The following NKAIN2 variants were observed in gnomAD, a reference collection of about 807,000 sequenced individuals.
NKAIN2 encodes sodium/potassium transporting ATPase interacting 2.
NKAIN2 carries 14 observed loss-of-function variants against 32.6 expected under a neutral mutation model. That is an observed-to-expected ratio of 0.43 (90% CI 0.28 to 0.67). NKAIN2 has a LOEUF of 0.67. NKAIN2 is among the 30% of genes least tolerant of loss of function. The pLI, the probability that NKAIN2 is intolerant of heterozygous loss-of-function variation, is 0.17. For missense variants in NKAIN2, 198 were observed against 258.3 expected, an observed-to-expected ratio of 0.77 and a Z score of 1.60; for synonymous variants, 80 against 87.2, an observed-to-expected ratio of 0.92 and a Z score of 0.46.
chr6:123,923,168 A>G (rs571877344), intron 1 of NKAIN2, among the ~76,000 whole-genome samples: 1 of 152,286 alleles, frequency 6.6e-6, no homozygotes, highest in African/African-American at 2.4e-5. Context: ...AAACACCTAA[A>G]ACATGTAAAT....
intron 3 of NKAIN2, among the ~76,000 whole-genome samples, chr6:124,592,056 C>G (rs1442321068): frequency 2.0e-5 from 3 of 152,102 alleles, no homozygotes; most frequent in South Asian, 2.1e-4. Flanking sequence ...TCTATACCAA[C>G]TTTTTTTCTG....
intron 3 of NKAIN2, among the ~76,000 whole-genome samples, chr6:124,599,102 C>A (rs899369639): frequency 6.8e-6 from 1 of 148,112 alleles, no homozygotes; most frequent in Non-Finnish European, 1.5e-5. Context: ...GGAGTGAAAA[C>A]AGCCTCTTGC....
chr6:124,731,649 T>C (rs1169293703), intron 4 of NKAIN2, among the ~76,000 whole-genome samples: 1 of 151,346 alleles, frequency 6.6e-6, no homozygotes. Flanking sequence ...GCATGGCACA[T>C]GTATACATAT....
chr6:124,704,768 A>G (rs1376605745), intron 4 of NKAIN2, among the ~76,000 whole-genome samples: 2 of 151,962 alleles, frequency 1.3e-5, no homozygotes, highest in East Asian at 1.9e-4. Context: ...AAAATCTACT[A>G]TGATTTATAT....
At chr6:124,561,793 C>G (rs144945032) in intron 3 of NKAIN2, among the ~76,000 whole-genome samples, 64 of 152,302 alleles carry the variant, frequency 4.2e-4, no homozygotes, top group African/African-American at 1.4e-3. Context: ...TGAAAATATA[C>G]TGGGTGGCTC....
intron 3 of NKAIN2, among the ~76,000 whole-genome samples, chr6:124,447,030 C>G (rs1775921649): frequency 6.6e-6 from 1 of 152,054 alleles, no homozygotes; most frequent in African/African-American, 2.4e-5. Context: ...GGTTGAGATA[C>G]CCTGGATGGC....
chr6:124,466,838 T>C (rs569756218), intron 3 of NKAIN2, among the ~76,000 whole-genome samples: 2 of 152,196 alleles, frequency 1.3e-5, no homozygotes, highest in Non-Finnish European at 2.9e-5. Context: ...TGGACGTAGA[T>C]TTTAAAATAT....
intron 2 of NKAIN2, among the ~76,000 whole-genome samples, chr6:124,291,668 CACTT>C (rs913453323): frequency 6.6e-6 from 1 of 152,122 alleles, no homozygotes; most frequent in Non-Finnish European, 1.5e-5. Flanking sequence ...GACAGCCTAT[CACTT>C]ATTCTTCTGG....
At chr6:124,476,397 CTGTGTGTGTGTG>C (rs56691516) in intron 3 of NKAIN2, among the ~76,000 whole-genome samples, 11,300 of 137,908 alleles carry the variant, frequency 0.082, 452 homozygotes, top group African/African-American at 0.12. Context: ...ATGTATGTGA[CTGTGTGTGTGTG>C]TGTGTGTGTG....
intron 3 of NKAIN2, among the ~76,000 whole-genome samples, chr6:124,525,641 T>G (rs1779282196): frequency 1.3e-5 from 2 of 152,158 alleles, no homozygotes; most frequent in Non-Finnish European, 2.9e-5. Context: ...TAAATAGAGA[T>G]TAATTTTAAT....
At chr6:124,366,162 G>A (rs1799507227) in intron 3 of NKAIN2, among the ~76,000 whole-genome samples, 1 of 151,836 alleles carries the variant, frequency 6.6e-6, no homozygotes. Flanking sequence ...TATACAATAG[G>A]GGAAAAAAAG....
At chr6:124,494,382 T>C (rs2114732080) in intron 3 of NKAIN2, among the ~76,000 whole-genome samples, 1 of 152,236 alleles carries the variant, frequency 6.6e-6, no homozygotes, top group Non-Finnish European at 1.5e-5. Flanking sequence ...AAAAGCCCTT[T>C]AAAGATAAGC....
chr6:123,990,240 G>A (rs1779355947), intron 1 of NKAIN2, among the ~76,000 whole-genome samples: 1 of 152,134 alleles, frequency 6.6e-6, no homozygotes, highest in African/African-American at 2.4e-5. Flanking sequence ...AAGGATTATG[G>A]GGATTACAAT....
chr6:123,941,393 A>G (rs1776814532), intron 1 of NKAIN2, among the ~76,000 whole-genome samples: 1 of 151,960 alleles, frequency 6.6e-6, no homozygotes, highest in Admixed American at 6.6e-5. Flanking sequence ...TATATACTGT[A>G]CATAATTGTA....
At chr6:123,992,519 G>A (rs1302183474) in intron 1 of NKAIN2, among the ~76,000 whole-genome samples, 2 of 152,158 alleles carry the variant, frequency 1.3e-5, no homozygotes, top group African/African-American at 4.8e-5. Flanking sequence ...TCTTGAAGGC[G>A]AAGGTAAAGT....
chr6:124,431,322 C>T (rs1487292342), intron 3 of NKAIN2, among the ~76,000 whole-genome samples: 1 of 152,134 alleles, frequency 6.6e-6, no homozygotes, highest in African/African-American at 2.4e-5. Flanking sequence ...ATTTTCCACT[C>T]TCTTCAGAAA....
Position 124,283,380 on chromosome 6 carries a change from G to A in NKAIN2, c.192+238G>A, listed in dbSNP as rs545812134. 2.7e-4 allele frequency: 80 copies of A among 296,736 alleles called. No homozygotes were observed. In the South Asian group the frequency reaches 6.3e-3, roughly 23 times the overall value. The allele number at this position is 296,736 out of a possible 1,614,324, so 18.4% of individuals were successfully genotyped here. A position where few individuals can be genotyped will look rare whatever the true frequency, so the allele number is the denominator to read the frequency against. ...AATTCTCATAATTTGTACTTTCAGC[G>A]AATAGTCTCATAATTACAAGCCAAA... On this transcript the variant is annotated intron_variant, in intron 2 of 6. Transcript: ENST00000368417.
At chr6:124,687,015 A>G (rs1221192787) in intron 4 of NKAIN2, among the ~76,000 whole-genome samples, 1 of 151,958 alleles carries the variant, frequency 6.6e-6, no homozygotes, top group Non-Finnish European at 1.5e-5. Context: ...GCCCTTGAAC[A>G]TCAGACTCCA....
chr6:124,177,351 A>T (rs938470353), intron 1 of NKAIN2, among the ~76,000 whole-genome samples: 29 of 152,174 alleles, frequency 1.9e-4, no homozygotes, highest in Non-Finnish European at 3.4e-4. Context: ...GTGACTTTGG[A>T]GGGTGGCAGC....
Sources: allele counts gnomAD v4.1 joint callset (sites outside exome capture counted in the v4.1 genomes callset), GRCh38; gene constraint gnomAD v4.1.1; transcripts MANE v1.5; gene names NCBI Gene and HGNC (gene_info 2026-07-23, HGNC 2026-07-21).